Variants in ATXN1 observed in about 807,000 individuals in gnomAD.
ATXN1 encodes the protein ataxin 1, also known as ataxin-1.
Under a neutral mutation model 56.4 loss-of-function variants are expected in ATXN1, and 8 were observed. The observed-to-expected ratio is 0.14, with a 90% CI of 0.08 to 0.26. ATXN1 has a LOEUF of 0.26. ATXN1 is among the 10% of genes least tolerant of loss of function. The probability of loss-of-function intolerance (pLI) is 1.00; values close to 1 mark genes in which losing one functional copy is unlikely to be tolerated. For missense variants in ATXN1, 987 were observed against 1,106.5 expected, an observed-to-expected ratio of 0.89 and a Z score of 1.53; for synonymous variants, 514 against 494.6, an observed-to-expected ratio of 1.04 and a Z score of -0.52.
chr6:16,430,007 T>C (rs1759245554), intron 6 of ATXN1, among the ~76,000 whole-genome samples: 1 of 152,102 alleles, frequency 6.6e-6, no homozygotes, highest in Non-Finnish European at 1.5e-5. Flanking sequence ...AGACTCAGAA[T>C]CCGTAAGCGA....
chr6:16,444,896 T>C (rs1213869506), intron 6 of ATXN1, among the ~76,000 whole-genome samples: 1 of 152,146 alleles, frequency 6.6e-6, no homozygotes, highest in East Asian at 1.9e-4. Flanking sequence ...ACAATGCCTC[T>C]AGAACTTCCT....
At chr6:16,641,604 C>T (rs181539427) in intron 3 of ATXN1, among the ~76,000 whole-genome samples, 234 of 152,318 alleles carry the variant, frequency 1.5e-3, no homozygotes, top group African/African-American at 5.2e-3. Flanking sequence ...CAATGCACTT[C>T]GTCACTCATC....
intron 2 of ATXN1, among the ~76,000 whole-genome samples, chr6:16,704,036 A>T (rs1042462979): frequency 5.3e-5 from 8 of 152,186 alleles, no homozygotes; most frequent in Admixed American, 1.3e-4. Flanking sequence ...ACAAAGCAAT[A>T]ACAACAACGG....
At chr6:16,625,873 A>G (rs1763397911) in intron 3 of ATXN1, among the ~76,000 whole-genome samples, 1 of 152,212 alleles carries the variant, frequency 6.6e-6, no homozygotes, top group African/African-American at 2.4e-5. Flanking sequence ...CAAGCATTCC[A>G]GATACATAAA....
intron 6 of ATXN1, among the ~76,000 whole-genome samples, chr6:16,437,252 G>C (rs1265297980): frequency 6.6e-6 from 1 of 152,228 alleles, no homozygotes; most frequent in Non-Finnish European, 1.5e-5. Context: ...GCTACTTTCC[G>C]CTACTTTCCA....
intron 4 of ATXN1, among the ~76,000 whole-genome samples, chr6:16,547,104 C>T (rs531517090): frequency 1.3e-5 from 2 of 152,270 alleles, no homozygotes; most frequent in East Asian, 1.9e-4. Flanking sequence ...AATCCCTGAC[C>T]GAAGTGGACT....
intron 3 of ATXN1, among the ~76,000 whole-genome samples, chr6:16,594,709 T>C (rs763907790): frequency 1.7e-4 from 26 of 152,060 alleles, no homozygotes; most frequent in Admixed American, 1.2e-3. Context: ...TCTGGATCTC[T>C]TGACCTCGTG....
chr6:16,512,159 A>T (rs1761096025), intron 5 of ATXN1, among the ~76,000 whole-genome samples: 1 of 152,230 alleles, frequency 6.6e-6, no homozygotes, highest in African/African-American at 2.4e-5. Flanking sequence ...CCTCAAAGCC[A>T]GCTCCTCAGA....
chr6:16,379,780 A>ATT (rs1762214972), intron 6 of ATXN1, among the ~76,000 whole-genome samples: 1 of 152,238 alleles, frequency 6.6e-6, no homozygotes, highest in South Asian at 2.1e-4. Context: ...AAGGAGAAAT[A>ATT]AGTCAGCAGC....
Position 16,304,967 on chromosome 6 carries a change from G to C in ATXN1, c.*1362C>G, listed in dbSNP as rs1344203252. 1 of 152,568 alleles carries C rather than the reference G, an allele frequency of 6.6e-6. No homozygotes were observed. The highest frequency in any genetic ancestry group is 2.4e-5 in the African/African-American group (1 of 41,414). The allele number at this position is 152,568 out of a possible 1,614,324, so 9.5% of individuals were successfully genotyped here. A position where few individuals can be genotyped will look rare whatever the true frequency, so the allele number is the denominator to read the frequency against. On this transcript the variant is annotated 3_prime_UTR_variant, in exon 8 of 8. Transcript: ENST00000436367. ...TGCCTCCCGTCAGGTAGTACTTGGT[G>C]GTCATTTATTGTCACATACTAGTTC...
chr6:16,452,960 T>G (rs1297324876), intron 6 of ATXN1, among the ~76,000 whole-genome samples: 8 of 152,246 alleles, frequency 5.3e-5, no homozygotes, highest in Non-Finnish European at 1.2e-4. Context: ...GTTTACCTCC[T>G]TTAAGCATTA....
intron 6 of ATXN1, among the ~76,000 whole-genome samples, chr6:16,408,347 T>C (rs1245329042): frequency 6.6e-6 from 1 of 152,172 alleles, no homozygotes; most frequent in Non-Finnish European, 1.5e-5. Context: ...AAATAAACTA[T>C]AGTTATTTTA....
In ATXN1 at chr6:16,326,516, T is replaced by C. The variant is rs1760809058; in HGVS notation, c.1795A>G (p.Ile599Val). ...TCGTTGCTTATCTCTGCACTCTGGA[T>C]GAAATCTTCTGTTTTTAAGTCTTCC... The part of the protein sequence containing the change: ...KVEDLKTEDF[I>V]QSAEISNDLK... The change falls in exon 7 of 8, where the codon ATC becomes GTC. Residue 599 changes from isoleucine to valine, a missense_variant. Ile to Val is a conservative substitution (Grantham distance 29, BLOSUM62 3). This residue lies in a region of ATXN1 where 68 missense variants were observed against 118.1 expected (regional missense o/e 0.58). Transcript: ENST00000436367. The surrounding 1 kb of genome is among the most constrained non-coding windows in gnomAD (Gnocchi z 6.6). 1.9e-6 allele frequency: 3 copies of C among 1,614,218 alleles called. No homozygotes were observed. Among genetic ancestry groups the C allele is most frequent in the East Asian group, 4.5e-5 (2 of 44,888 alleles).
chr6:16,578,324 G>A (rs141848558), intron 4 of ATXN1, among the ~76,000 whole-genome samples: 4 of 152,256 alleles, frequency 2.6e-5, no homozygotes, highest in Non-Finnish European at 4.4e-5. Flanking sequence ...TCTTCCTTTT[G>A]CTTTTTAAAA....
chr6:16,629,062 G>A (rs1763458723), intron 3 of ATXN1, among the ~76,000 whole-genome samples: 2 of 152,026 alleles, frequency 1.3e-5, no homozygotes, highest in Non-Finnish European at 2.9e-5. Context: ...TTCCACAATG[G>A]CTGAACTAAT....
At chr6:16,322,285 TAG>T (rs564404936) in intron 7 of ATXN1, among the ~76,000 whole-genome samples, 1 of 152,038 alleles carries the variant, frequency 6.6e-6, no homozygotes, top group Non-Finnish European at 1.5e-5. Flanking sequence ...TTGCCTGGTT[TAG>T]AGAGGAGAGT....
chr6:16,677,628 GAC>G (rs1758715481), intron 2 of ATXN1, among the ~76,000 whole-genome samples: 1 of 152,098 alleles, frequency 6.6e-6, no homozygotes, highest in South Asian at 2.1e-4. Flanking sequence ...AGAAAAAGCT[GAC>G]ACATTTGTGC....
intron 2 of ATXN1, among the ~76,000 whole-genome samples, chr6:16,750,298 T>C (rs1760671253): frequency 6.6e-6 from 1 of 152,198 alleles, no homozygotes; most frequent in South Asian, 2.1e-4. Context: ...TTAAAAAAAT[T>C]CACAATGAAT....
At chr6:16,744,286 G>A (rs1051658339) in intron 2 of ATXN1, among the ~76,000 whole-genome samples, 1 of 152,112 alleles carries the variant, frequency 6.6e-6, no homozygotes, top group Non-Finnish European at 1.5e-5. Flanking sequence ...GGGTAGCATC[G>A]TGCCTCTCTG....
Sources: gnomAD v4.1 joint callset for allele counts (sites outside exome capture counted in the v4.1 genomes callset) on GRCh38, gnomAD v4.1.1 for gene constraint, gnomAD v4.1.1 regional missense constraint, Gnocchi (gnomAD v3.1) non-coding constraint, MANE v1.5 for transcripts, NCBI Gene and HGNC (gene_info 2026-07-23, HGNC 2026-07-21) for gene names.